KDELR3: variants seen among roughly 807,000 people sequenced by gnomAD.
The protein encoded by KDELR3 is ER lumen protein-retaining receptor 3.
Under a neutral mutation model 22.7 loss-of-function variants are expected in KDELR3, and 26 were observed. The ratio of observed to expected loss-of-function variants is 1.15; its 90% CI spans 0.84 to 1.59. KDELR3 has a LOEUF of 1.59. Ranked by LOEUF, KDELR3 falls within the 40% of genes most tolerant of loss-of-function variation. The probability of loss-of-function intolerance (pLI) is 0.00; values close to 1 mark genes in which losing one functional copy is unlikely to be tolerated. For missense variants in KDELR3, 289 were observed against 251.1 expected (o/e 1.15, Z -1.02); for synonymous variants, 120 against 98.2 (o/e 1.22, Z -1.31).
intron 1 of KDELR3, among the ~76,000 whole-genome samples, chr22:38,468,784 T>G (rs1458074486): frequency 6.6e-6 from 1 of 151,708 alleles, no homozygotes; most frequent in Non-Finnish European, 1.5e-5. Context: ...TGCCTGCATG[T>G]GTGGCACCGG....
Position 38,468,159 on chromosome 22 carries a change from G to A in KDELR3, c.-75G>A. ...GCACCTAGAGACCGGGGCCGGAGAC[G>A]TGGCAGCCGCCCTGCCCGCCAGAAA... is the stretch of plus-strand genomic sequence containing the variant. On this transcript the variant is annotated 5_prime_UTR_variant, in exon 1 of 5. It adds an upstream start codon to the 5' untranslated region. Coordinates refer to ENST00000216014, the MANE Select transcript of KDELR3 (RefSeq NM_006855.4). The A allele has an allele frequency of 1.5e-6, 2 of 1,349,242 alleles. No individual in the cohort carries two copies. Among genetic ancestry groups the A allele is most frequent in the Non-Finnish European group, 2.1e-6 (2 of 950,398 alleles). 83.6% of individuals were successfully genotyped at this position (1,349,242 alleles called of 1,614,324 possible).
chr22:38,469,812 TTTTA>T (rs1174158127), intron 1 of KDELR3, among the ~76,000 whole-genome samples: 7 of 152,162 alleles, frequency 4.6e-5, no homozygotes, highest in Non-Finnish European at 1.0e-4. Context: ...GCTGACTTTC[TTTTA>T]TTTATTTTTT....
At chr22:38,480,923 C>A (rs902544646) in intron 3 of KDELR3, among the ~76,000 whole-genome samples, 1 of 150,864 alleles carries the variant, frequency 6.6e-6, no homozygotes, top group Non-Finnish European at 1.5e-5. Flanking sequence ...AACAGCAAGA[C>A]CCTATCTTAA....
At chr22:38,474,288 T>G in intron 1 of KDELR3, 2 of 403,534 alleles carry the variant, frequency 5.0e-6, no homozygotes, top group Non-Finnish European at 9.0e-6. Context: ...GTTCGTGTCT[T>G]TATTTGGAGA....
rs1452382255 is a variant in KDELR3 at position 38,479,642 on chromosome 22, A to G, written c.242A>G (p.Lys81Arg). 1 of 1,613,944 alleles carries G rather than the reference A, an allele frequency of 6.2e-7. No homozygotes were observed. Among genetic ancestry groups the G allele is most frequent in the Non-Finnish European group, 8.5e-7 (1 of 1,179,940 alleles). ...GTTACAGTGTACATGATATATGGGA[A>G]ATTCCGTAAAACTTTTGACAGTGAG... is the stretch of plus-strand genomic sequence containing the variant. ...AYVTVYMIYG[K>R]FRKTFDSEND... Residue 81 changes from lysine (K) to arginine (R), a missense_variant, in exon 3 of 5, where the codon AAA (lysine) becomes AGA (arginine). By Grantham distance (26) the Lys-to-Arg change is conservative. Transcript: ENST00000216014.
chr22:38,474,672 A>G (rs1261086979), intron 2 of KDELR3, 49 bp downstream of exon 2: 3 of 1,450,844 alleles, frequency 2.1e-6, no homozygotes, highest in Non-Finnish European at 2.9e-6. Context: ...AGCCCCCACA[A>G]ACTGTGAGGT....
At chr22:38,480,739 C>T (rs368901115) in intron 3 of KDELR3, among the ~76,000 whole-genome samples, 3 of 151,082 alleles carry the variant, frequency 2.0e-5, no homozygotes, top group East Asian at 3.9e-4. Context: ...GGAGACAGAG[C>T]GAGACTCCAT....
intron 1 of KDELR3, among the ~76,000 whole-genome samples, chr22:38,472,700 G>A (rs950638710): frequency 6.6e-6 from 1 of 151,596 alleles, no homozygotes; most frequent in African/African-American, 2.4e-5. Flanking sequence ...TTTTTGTTTT[G>A]TTTTGTTTTG....
rs771480503 is a variant in KDELR3 at position 38,468,341 on chromosome 22, A to G, written c.91+17A>G. On this transcript the variant is annotated intron_variant, in intron 1 of 4. Coordinates refer to ENST00000216014, the MANE Select transcript of KDELR3 (RefSeq NM_006855.4). ...GCTGCAAGGGTGAGGGGCGCCTGGC[A>G]GGGAGGTGCGGGACCCCCTCTCTGG... 1 of 1,611,484 alleles carries G rather than the reference A, an allele frequency of 6.2e-7. No homozygotes were observed. The highest frequency in any genetic ancestry group is 2.2e-5 in the East Asian group (1 of 44,840).
At chr22:38,480,468 A>G (rs1252639588) in intron 3 of KDELR3, among the ~76,000 whole-genome samples, 1 of 152,128 alleles carries the variant, frequency 6.6e-6, no homozygotes, top group Non-Finnish European at 1.5e-5. Flanking sequence ...TGTGGCTTCA[A>G]TTATGATTTT....
At chr22:38,478,193 T>A (rs1463069491) in intron 2 of KDELR3, among the ~76,000 whole-genome samples, 1 of 150,538 alleles carries the variant, frequency 6.6e-6, no homozygotes, top group Non-Finnish European at 1.5e-5. Context: ...AGGAGTGCTC[T>A]AGGCCAGTGT....
chr22:38,474,472 C>A, intron 1 of KDELR3, 51 bp from the exon 2 acceptor site: 1 of 1,446,960 alleles, frequency 6.9e-7, no homozygotes, highest in Non-Finnish European at 9.7e-7. Context: ...TGAGGGTGGG[C>A]AGGCTTGGGA....
intron 1 of KDELR3, among the ~76,000 whole-genome samples, chr22:38,472,055 C>CT (rs1423161728): frequency 6.6e-6 from 1 of 152,130 alleles, no homozygotes; most frequent in Non-Finnish European, 1.5e-5. Flanking sequence ...ACAGGGGAAC[C>CT]AGACCCTGAA....
At chr22:38,471,615 A>C (rs2089525676) in intron 1 of KDELR3, among the ~76,000 whole-genome samples, 1 of 152,214 alleles carries the variant, frequency 6.6e-6, no homozygotes, top group Admixed American at 6.5e-5. Flanking sequence ...CCCTAAAGCC[A>C]GCACATTCTC....
intron 2 of KDELR3, among the ~76,000 whole-genome samples, chr22:38,474,896 A>C (rs1191324161): frequency 6.6e-6 from 1 of 151,764 alleles, no homozygotes; most frequent in South Asian, 2.1e-4. Context: ...CTGGCTAACA[A>C]GGTGAAACCC....
chr22:38,479,383 C>T (rs1056257391), intron 2 of KDELR3, among the ~76,000 whole-genome samples: 1 of 152,072 alleles, frequency 6.6e-6, no homozygotes, highest in African/African-American at 2.4e-5. Flanking sequence ...ACTGTCAGTC[C>T]CAGTATAGAA....
At chr22:38,482,142 T>C (rs1352762714) in intron 4 of KDELR3, among the ~76,000 whole-genome samples, 1 of 152,100 alleles carries the variant, frequency 6.6e-6, no homozygotes, top group Non-Finnish European at 1.5e-5. Flanking sequence ...GCAGTCCAAG[T>C]ACAGTGACTA....
At position 38,473,103 on chromosome 22, in the gene KDELR3, A is replaced by G. The variant is rs534042292; in HGVS notation, c.92-1420A>G. Among the ~76,000 whole-genome samples the G allele has an allele frequency of 2.6e-5, 4 of 152,290 alleles. No homozygotes were observed. In the South Asian group the frequency reaches 6.2e-4, roughly 24 times the overall value. On this transcript the variant is annotated intron_variant, in intron 1 of 4. Coordinates refer to ENST00000216014, the MANE Select transcript of KDELR3 (RefSeq NM_006855.4). Reference sequence around the variant, plus strand: ...ACATTCTTTCAAAATAAAAAGTTAAAAAAAGAAAGAGACCAAAGTGGGTCA... The same window carrying G: ...ACATTCTTTCAAAATAAAAAGTTAAGAAAAGAAAGAGACCAAAGTGGGTCA...
intron 2 of KDELR3, among the ~76,000 whole-genome samples, chr22:38,475,288 C>G (rs953623603): frequency 2.6e-5 from 4 of 151,998 alleles, no homozygotes; most frequent in Non-Finnish European, 5.9e-5. Context: ...CCAGCCTGGG[C>G]AATGCAGTGA....
Sources: gnomAD v4.1 joint callset for allele counts (sites outside exome capture counted in the v4.1 genomes callset) on GRCh38, gnomAD v4.1.1 for gene constraint, MANE v1.5 for transcripts, NCBI Gene and HGNC (gene_info 2026-07-23, HGNC 2026-07-21) for gene names.